The following ARHGAP8 variants were observed in gnomAD, a reference collection of about 807,000 sequenced individuals.
ARHGAP8 encodes the protein Rho GTPase activating protein 8.
Under a neutral mutation model 46.1 loss-of-function variants are expected in ARHGAP8, and 62 were observed. The ratio of observed to expected loss-of-function variants is 1.34; its 90% confidence interval spans 1.10 to 1.66. The LOEUF (loss-of-function observed/expected upper bound fraction) is 1.66, where lower values mean the gene tolerates loss of function less well. ARHGAP8 is among the 40% of genes most tolerant of loss of function. The probability of loss-of-function intolerance (pLI) is 0.00; values close to 1 mark genes in which losing one functional copy is unlikely to be tolerated. For synonymous variants in ARHGAP8, 375 were observed against 243.1 expected (o/e 1.54, Z -5.05); for missense variants, 923 against 568.4 (o/e 1.62, Z -6.34).
chr22:44,756,518 C>T (rs560096664), intron 1 of ARHGAP8, among the ~76,000 whole-genome samples: 1 of 152,034 alleles, frequency 6.6e-6, no homozygotes, highest in Non-Finnish European at 1.5e-5. Flanking sequence ...AATGAGCCGC[C>T]ATCTCCCAGC....
chr22:44,760,848 A>T (rs1261776956), intron 1 of ARHGAP8, among the ~76,000 whole-genome samples: 1 of 152,150 alleles, frequency 6.6e-6, no homozygotes. Context: ...AGCCCCACAG[A>T]TGCTGATGGT....
intron 2 of ARHGAP8, among the ~76,000 whole-genome samples, chr22:44,792,418 C>T (rs1927759724): frequency 6.6e-6 from 1 of 152,180 alleles, no homozygotes; most frequent in African/African-American, 2.4e-5. Flanking sequence ...TCCTCCTGGG[C>T]CTCACCTTGG....
At chr22:44,786,288 G>C (rs1406229846) in intron 1 of ARHGAP8, among the ~76,000 whole-genome samples, 169 bp from the exon 2 acceptor site, 3 of 131,320 alleles carry the variant, frequency 2.3e-5, no homozygotes, top group East Asian at 2.0e-4. Flanking sequence ...AGGGCGCCTA[G>C]TGGGTGCTCG....
intron 5 of ARHGAP8, among the ~76,000 whole-genome samples, chr22:44,819,855 G>T (rs939646354): frequency 6.6e-6 from 1 of 152,160 alleles, no homozygotes; most frequent in Non-Finnish European, 1.5e-5. Flanking sequence ...CATGAGAGGG[G>T]GCGTGGGCTG....
chr22:44,850,475 T>G (rs999875803), intron 10 of ARHGAP8: 1 of 152,230 alleles, frequency 6.6e-6, no homozygotes, highest in African/African-American at 2.4e-5. Flanking sequence ...TGCGCCAGGC[T>G]GTGTCCTAGA....
chr22:44,783,010 G>A (rs753671829), intron 1 of ARHGAP8, among the ~76,000 whole-genome samples: 1 of 151,840 alleles, frequency 6.6e-6, no homozygotes, highest in Non-Finnish European at 1.5e-5. Context: ...GATGGTTCCC[G>A]CAGTGGGCCT....
At chr22:44,781,206 A>T (rs893169838) in intron 1 of ARHGAP8, among the ~76,000 whole-genome samples, 4 of 151,986 alleles carry the variant, frequency 2.6e-5, no homozygotes, top group African/African-American at 9.7e-5. Context: ...AGCATTTCAC[A>T]TCCAGATGCA....
At position 44,754,041 on chromosome 22, in the gene ARHGAP8, G is replaced by A. The variant is rs138608195; in HGVS notation, c.-72+1414G>A. ...TTGGGGGTAGGGCGAAGAGGGACAT[G>A]GGATGTGGGCCTGAGCCCAGCTGAT... On this transcript the variant is annotated intron_variant, in intron 1 of 11. Transcript: ENST00000356099. 5.6e-3 allele frequency among the ~76,000 whole-genome samples: 858 copies of A among 152,320 alleles called. 1 individual carries two copies. Among genetic ancestry groups the A allele is most frequent in the Non-Finnish European group, 9.8e-3 (668 of 68,020 alleles).
At position 44,837,289 on chromosome 22, in the gene ARHGAP8, G is replaced by C. The variant is rs534149770; in HGVS notation, c.597-7980G>C. The stretch of plus-strand genomic sequence containing the variant: ...AATTACTCTAAGCACATCTCCCGAG[G>C]GGAGGGGTACAAGCAAGAATTCTAT... On this transcript the variant is annotated intron_variant, in intron 7 of 11. Transcript: ENST00000356099. Among the ~76,000 whole-genome samples, 76 of 152,328 alleles carry C rather than the reference G, an allele frequency of 5.0e-4. 3 individuals carry two copies. The South Asian group carries it at 0.015, about 31-fold the overall frequency.
chr22:44,757,665 G>A (rs1327410481), intron 1 of ARHGAP8, among the ~76,000 whole-genome samples: 3 of 151,498 alleles, frequency 2.0e-5, no homozygotes, highest in Non-Finnish European at 4.4e-5. Flanking sequence ...TTGACCTGGA[G>A]TCTCACTCCA....
In ARHGAP8 at chr22:44,859,848, G is replaced by C. The variant is rs554408993; in HGVS notation, c.981+14G>C. ...TTCCTGCATGCGGTGAGTGGGGAAG[G>C]GGGGAGCTTGGGGTGAAGCCCAGTG... is the stretch of plus-strand genomic sequence containing the variant. On this transcript the variant is annotated intron_variant, in intron 11 of 11. Coordinates refer to ENST00000356099, the MANE Select transcript of ARHGAP8 (RefSeq NM_181335.3). 733 of 1,610,998 alleles carry C rather than the reference G, an allele frequency of 4.5e-4. 2 individuals are homozygous for C. The African/African-American group carries it at 7.4e-3, about 16-fold the overall frequency.
At position 44,845,264 on chromosome 22, in the gene ARHGAP8, C is replaced by T. The variant is rs764392139; in HGVS notation, c.597-5C>T. On this transcript the variant is annotated splice_polypyrimidine_tract_variant and splice_region_variant and intron_variant, in intron 7 of 11. Coordinates refer to ENST00000356099, the MANE Select transcript of ARHGAP8 (RefSeq NM_181335.3). ...AAACTGCGACTTTCTTTTCTGTTTT[C>T]TCAGCCTCAAAGACAAAAATCAAGG... 6.2e-7 allele frequency: 1 copy of T among 1,614,104 alleles called. No homozygotes were observed. Among genetic ancestry groups the T allele is most frequent in the Non-Finnish European group, 8.5e-7 (1 of 1,180,000 alleles).
chr22:44,825,427 C>T lies in ARHGAP8; in HGVS notation c.486-56C>T. ...GGGCATCCAGCCCCACCCAGCGCCT[C>T]CGTGGCTGCCAGCTGCCCCTGCCAG... On this transcript the variant is annotated intron_variant, in intron 6 of 11. Transcript: ENST00000356099. The T allele has an allele frequency of 2.5e-6, 4 of 1,570,572 alleles. No homozygotes were observed. In the South Asian group the frequency reaches 4.5e-5, roughly 18 times the overall value.
At position 44,814,727 on chromosome 22, in the gene ARHGAP8, G is replaced by T. The variant is rs781386127; in HGVS notation, c.355G>T (p.Val119Phe). 35 of 1,613,994 alleles carry T rather than the reference G, an allele frequency of 2.2e-5. No homozygotes were observed. In the South Asian group the frequency reaches 3.8e-4, roughly 18 times the overall value. ...YVVHPTSFIK[V>F]LWNILKPLIS... ...GGTGCACCCCACCAGCTTCATCAAG[G>T]TCCTGTGGAACATCTTGAAGCCCCT... Residue 119 changes from valine to phenylalanine, a missense_variant, in exon 5 of 12, where the codon GTC (valine) becomes TTC (phenylalanine). Physicochemically the swap from Val to Phe is conservative, Grantham distance 50. Coordinates refer to ENST00000356099, the MANE Select transcript of ARHGAP8 (RefSeq NM_181335.3).
In ARHGAP8 at chr22:44,811,434, T is replaced by A. The variant is rs575183980; in HGVS notation, c.299+2996T>A. 2.0e-4 allele frequency among the ~76,000 whole-genome samples: 30 copies of A among 152,322 alleles called. No homozygotes were observed. In the South Asian group the frequency reaches 6.0e-3, roughly 30 times the overall value. On this transcript the variant is annotated intron_variant, in intron 4 of 11. Transcript: ENST00000356099. ...AGAGACTTGAAGCAGTGACTTCCAA[T>A]CGGCGGTCATTTAACCTTGGCCAGA...
chr22:44,794,574 G>A lies in ARHGAP8; in HGVS notation c.80-7503G>A, dbSNP rs530596923. 5.3e-4 allele frequency among the ~76,000 whole-genome samples: 80 copies of A among 152,178 alleles called. 2 individuals carry two copies. The highest frequency in any genetic ancestry group is 1.8e-3 in the African/African-American group (74 of 41,522). On this transcript the variant is annotated intron_variant, in intron 2 of 11. Coordinates refer to ENST00000356099, the MANE Select transcript of ARHGAP8 (RefSeq NM_181335.3). ...AAATACAAAAAATTAGCCAGGCATG[G>A]TGGTGCGCACCTGTAGTCCCAGCTA...
chr22:44,834,191 AT>A (rs1382113815), intron 7 of ARHGAP8, among the ~76,000 whole-genome samples: 2 of 151,748 alleles, frequency 1.3e-5, no homozygotes, highest in African/African-American at 4.8e-5. Context: ...CCTGTGTCAG[AT>A]TTAGTTCATT....
At chr22:44,857,793 C>T (rs5766119) in intron 10 of ARHGAP8, among the ~76,000 whole-genome samples, 2 of 151,124 alleles carry the variant, frequency 1.3e-5, no homozygotes, top group Admixed American at 6.6e-5. Context: ...CACCTAACCT[C>T]TCAGAGCTCT....
intron 9 of ARHGAP8, among the ~76,000 whole-genome samples, 163 bp downstream of exon 9, chr22:44,848,213 C>G (rs2147165776): frequency 6.6e-6 from 1 of 152,304 alleles, no homozygotes; most frequent in East Asian, 1.9e-4. Flanking sequence ...GAGGGGCCCA[C>G]TGGTAGTCCA....
Sources: allele counts gnomAD v4.1 joint callset (sites outside exome capture counted in the v4.1 genomes callset), GRCh38; gene constraint gnomAD v4.1.1; transcripts MANE v1.5; gene names NCBI Gene and HGNC (gene_info 2026-07-23, HGNC 2026-07-21).